BCCIP: variants seen among roughly 807,000 people sequenced by gnomAD.
BCCIP encodes the protein BRCA2 and CDKN1A interacting protein.
In BCCIP, 23 loss-of-function variants were observed where a neutral mutation model predicts 32.8. The observed-to-expected ratio is 0.70, with a 90% confidence interval of 0.51 to 0.99. The LOEUF (loss-of-function observed/expected upper bound fraction) is 0.99, where lower values mean the gene tolerates loss of function less well. BCCIP is among the 50% of genes least tolerant of loss of function. BCCIP has a pLI of 0.00. For synonymous variants in BCCIP, 144 were observed against 137.6 expected, an observed-to-expected ratio of 1.05 and a Z score of -0.33; for missense variants, 378 against 379.8, an observed-to-expected ratio of 1.00 and a Z score of 0.04.
chr10:125,823,973 G>A (rs1854270598), intron 1 of BCCIP, among the ~76,000 whole-genome samples: 1 of 152,186 alleles, frequency 6.6e-6, no homozygotes, highest in Non-Finnish European at 1.5e-5. Context: ...CGCCACAACA[G>A]GTGTGTTCTT....
Position 125,836,452 on chromosome 10 carries a change from T to G in BCCIP, c.*178T>G, listed in dbSNP as rs1854687801. On this transcript the variant is annotated 3_prime_UTR_variant, in exon 7 of 7. Transcript: ENST00000278100. ...CCAGTTTTTTAAAATTTTGGTCAAA[T>G]TATGAGTGGTTGATTTAAAAACTTT... is the stretch of plus-strand genomic sequence containing the variant. 1 of 1,417,270 alleles carries G rather than the reference T, an allele frequency of 7.1e-7. No individual in the cohort carries two copies. The allele number at this position is 1,417,270 out of a possible 1,614,324, so 87.8% of individuals were successfully genotyped here.
At chr10:125,853,288 A>G in exon 8 of BCCIP, 1 of 1,192,222 alleles carries the variant, frequency 8.4e-7, no homozygotes, top group Non-Finnish European at 1.2e-6. Flanking sequence ...TGGAGGGATA[A>G]AACATCTCGG....
intron 2 of BCCIP, among the ~76,000 whole-genome samples, chr10:125,826,994 T>C (rs1854405270): frequency 8.4e-5 from 1 of 11,918 alleles, no homozygotes; most frequent in African/African-American, 3.5e-4. Flanking sequence ...AGCCTCTGTC[T>C]CTAAAAAAAA....
At chr10:125,831,106 C>T (rs1590053499) in intron 4 of BCCIP, among the ~76,000 whole-genome samples, 1 of 152,238 alleles carries the variant, frequency 6.6e-6, no homozygotes, top group Non-Finnish European at 1.5e-5. Flanking sequence ...ATGCAGGCTA[C>T]ACTTAGTCTT....
chr10:125,851,910 G>T (rs1369355810), intron 7 of BCCIP, among the ~76,000 whole-genome samples: 2 of 109,356 alleles, frequency 1.8e-5, no homozygotes, highest in African/African-American at 3.7e-5. Context: ...AACAGAGCAA[G>T]ACCCTGTCTC....
intron 7 of BCCIP, among the ~76,000 whole-genome samples, chr10:125,851,746 A>C (rs1944091719): frequency 6.6e-6 from 1 of 152,008 alleles, no homozygotes; most frequent in African/African-American, 2.4e-5. Flanking sequence ...TTGTAAAAGA[A>C]ATCTACATCT....
intron 6 of BCCIP, among the ~76,000 whole-genome samples, chr10:125,835,132 CAG>C (rs1854633810): frequency 6.8e-6 from 1 of 147,980 alleles, no homozygotes; most frequent in Admixed American, 6.7e-5. Flanking sequence ...GACTCTGTCT[CAG>C]AAAAAAAAAA....
chr10:125,851,994 C>A (rs1010386478), intron 7 of BCCIP, among the ~76,000 whole-genome samples: 1 of 151,494 alleles, frequency 6.6e-6, no homozygotes, highest in African/African-American at 2.4e-5. Flanking sequence ...TCTGCTGATT[C>A]ACCCTTACGC....
intron 1 of BCCIP, among the ~76,000 whole-genome samples, chr10:125,824,460 C>T (rs1854307554): frequency 6.6e-6 from 1 of 152,250 alleles, no homozygotes; most frequent in African/African-American, 2.4e-5. Flanking sequence ...TCATGCCCCT[C>T]TCTTAATCGT....
chr10:125,832,949 T>C (rs1046423740), intron 5 of BCCIP, among the ~76,000 whole-genome samples: 1 of 151,426 alleles, frequency 6.6e-6, no homozygotes, highest in Non-Finnish European at 1.5e-5. Context: ...ACCCCAATTC[T>C]ACTAAAAATA....
intron 3 of BCCIP, among the ~76,000 whole-genome samples, chr10:125,829,770 A>AC (rs1854481512): frequency 2.0e-5 from 3 of 152,232 alleles, no homozygotes; most frequent in Admixed American, 1.3e-4. Flanking sequence ...TAGAAGACCT[A>AC]ATGGATATGG....
chr10:125,827,423 T>C, intron 2 of BCCIP, 135 bp from the exon 3 acceptor site: 1 of 556,650 alleles, frequency 1.8e-6, no homozygotes, highest in Non-Finnish European at 3.1e-6. Context: ...GGCTTTTCTT[T>C]CCCTCTTGGG....
chr10:125,851,200 C>T (rs1048774719), intron 7 of BCCIP, among the ~76,000 whole-genome samples: 7 of 152,190 alleles, frequency 4.6e-5, no homozygotes, highest in South Asian at 2.1e-4. Context: ...GCAGCAGCTG[C>T]GAGCATCTTT....
intron 6 of BCCIP, among the ~76,000 whole-genome samples, chr10:125,835,853 G>A (rs185395686): frequency 6.6e-6 from 1 of 152,318 alleles, no homozygotes; most frequent in Admixed American, 6.5e-5. Context: ...CCACTTAGCT[G>A]CTTGTTCACC....
intron 6 of BCCIP, among the ~76,000 whole-genome samples, chr10:125,834,471 T>C (rs544407750): frequency 7.2e-5 from 11 of 152,134 alleles, no homozygotes; most frequent in African/African-American, 2.7e-4. Flanking sequence ...TGGACAGCCA[T>C]ATACCAGAGA....
chr10:125,825,811 A>C (rs1428311398), intron 1 of BCCIP: 1 of 152,226 alleles, frequency 6.6e-6, no homozygotes, highest in Non-Finnish European at 1.5e-5. Context: ...TAGTGTTTAA[A>C]AGCAACTAGG....
At chr10:125,842,152 G>T (rs542702492) in exon 7 of BCCIP, 2 of 616,286 alleles carry the variant, frequency 3.2e-6, no homozygotes, top group African/African-American at 1.9e-5. Flanking sequence ...CATGCTCCGA[G>T]GAGGGTCCCA....
downstream of BCCIP, among the ~76,000 whole-genome samples, chr10:125,843,814 A>G (rs371844354): frequency 1.7e-4 from 26 of 152,306 alleles, 1 homozygote; most frequent in South Asian, 5.2e-3. Flanking sequence ...CGCCCACCAC[A>G]GGCAAAAGAT....
chr10:125,846,103 G>C (rs1266422622), downstream of BCCIP, among the ~76,000 whole-genome samples: 1 of 152,196 alleles, frequency 6.6e-6, no homozygotes, highest in Non-Finnish European at 1.5e-5. Flanking sequence ...GAGGGCACCT[G>C]TCTAGTCAGT....
Sources: allele counts gnomAD v4.1 joint callset (sites outside exome capture counted in the v4.1 genomes callset), GRCh38; gene constraint gnomAD v4.1.1; transcripts MANE v1.5; gene names NCBI Gene and HGNC (gene_info 2026-07-23, HGNC 2026-07-21).